Variants in AZGP1 observed in about 807,000 individuals in gnomAD.
AZGP1 encodes alpha-2-glycoprotein 1, zinc-binding, also known as zinc-alpha-2-glycoprotein.
AZGP1 carries 28 observed loss-of-function variants against 31.5 expected under a neutral mutation model. The observed-to-expected ratio is 0.89, with a 90% confidence interval of 0.66 to 1.22. The LOEUF is 1.22. AZGP1 is among the 50% of genes most tolerant of loss of function. The probability of loss-of-function intolerance (pLI) is 0.00; values close to 1 mark genes in which losing one functional copy is unlikely to be tolerated. For synonymous variants in AZGP1, 135 were observed against 145.4 expected (o/e 0.93, Z 0.51); for missense variants, 361 against 371.8 (o/e 0.97, Z 0.24).
intron 2 of AZGP1, among the ~76,000 whole-genome samples, chr7:99,969,071 C>T (rs757818845): frequency 2.1e-4 from 30 of 146,060 alleles, no homozygotes; most frequent in African/African-American, 4.8e-4. Context: ...GTCATGAGTT[C>T]GAGACCAGCC....
intron 2 of AZGP1, among the ~76,000 whole-genome samples, chr7:99,971,133 T>C (rs1048223624): frequency 6.6e-6 from 1 of 152,220 alleles, no homozygotes; most frequent in Non-Finnish European, 1.5e-5. Context: ...TCTCTGTTGA[T>C]TCCACAAATT....
chr7:99,971,811 T>G lies in AZGP1; in HGVS notation c.272A>C (p.Lys91Thr), dbSNP rs1421614499. 6.2e-7 allele frequency: 1 copy of G among 1,614,160 alleles called. No homozygotes were observed. Among genetic ancestry groups the G allele is most frequent in the Admixed American group, 1.7e-5 (1 of 60,020 alleles). The change falls in exon 2 of 4, where the codon AAG becomes ACG. Residue 91 changes from lysine to threonine, a missense_variant. Transcript: ENST00000292401. ...EDWKQDSQLQKAREDIFMETL... is the reference protein window; with the variant it reads ...EDWKQDSQLQTAREDIFMETL... ...CTCCATAAAGATGTCCTCCCTGGCC[T>G]TCTGAAGTTGGCTGTCCTGCTTCCA...
chr7:99,970,576 C>T (rs114045383), intron 2 of AZGP1, among the ~76,000 whole-genome samples: 3,362 of 151,766 alleles, frequency 0.022, 128 homozygotes, highest in African/African-American at 0.077. Context: ...TGTTCATCTC[C>T]TCATCCTCCT....
At chr7:99,968,083 T>C (rs775455194) in intron 3 of AZGP1, 72 bp downstream of exon 3, 22 of 1,571,570 alleles carry the variant, frequency 1.4e-5, no homozygotes, top group Non-Finnish European at 1.9e-5. Context: ...GACTAAGATG[T>C]TGCCTGAGCT....
chr7:99,971,858 T>C lies in AZGP1; in HGVS notation c.225A>G (p.Arg75=). The part of the protein sequence containing the change: ...DRKSQPMGLW[R]QVEGMEDWKQ... The stretch of plus-strand genomic sequence containing the variant: ...TCCAATCCTCCATTCCTTCCACCTG[T>C]CTCCAGAGTCCCATGGGCTGAGACT... Residue 75 remains arginine (R), a synonymous_variant, in exon 2 of 4, where the codon AGA becomes AGG. Coordinates refer to ENST00000292401, the MANE Select transcript of AZGP1 (RefSeq NM_001185.4). 6.2e-7 allele frequency: 1 copy of C among 1,614,138 alleles called. No individual in the cohort carries two copies. Among genetic ancestry groups the C allele is most frequent in the Non-Finnish European group, 8.5e-7 (1 of 1,180,024 alleles).
In AZGP1 at chr7:99,967,183, C is replaced by G; in HGVS notation, c.717G>C (p.Trp239Cys). The stretch of plus-strand genomic sequence containing the variant: ...GCTCCTGCACCTCGCCGGCCCGAGT[C>G]CAGTGCACATCAATTTTCCCTGGGT... ...DFYPGKIDVH[W>C]TRAGEVQEPE... is the part of the protein sequence containing the mutation. Residue 239 changes from tryptophan (W) to cysteine (C), a missense_variant, in exon 4 of 4, where the codon TGG becomes TGC. Trp to Cys is a radical substitution (Grantham distance 215). Transcript: ENST00000292401. The G allele has an allele frequency of 6.2e-7, 1 of 1,614,102 alleles. No homozygotes were observed. The highest frequency in any genetic ancestry group is 8.5e-7 in the Non-Finnish European group (1 of 1,180,004).
chr7:99,970,406 G>T (rs1027548718), intron 2 of AZGP1, among the ~76,000 whole-genome samples: 2 of 151,896 alleles, frequency 1.3e-5, no homozygotes, highest in African/African-American at 4.8e-5. Context: ...ACCATGCCAG[G>T]CTATTTTTGT....
intron 1 of AZGP1, among the ~76,000 whole-genome samples, chr7:99,974,875 T>C (rs933707649): frequency 6.6e-6 from 1 of 152,114 alleles, no homozygotes; most frequent in Non-Finnish European, 1.5e-5. Flanking sequence ...TCCAATCAGT[T>C]GAAGGCCTTA....
chr7:99,970,787 C>T (rs1420341390), intron 2 of AZGP1, among the ~76,000 whole-genome samples: 1 of 152,164 alleles, frequency 6.6e-6, no homozygotes, highest in Non-Finnish European at 1.5e-5. Context: ...TCTTCAGATC[C>T]CATGTAGCAC....
chr7:99,970,826 T>A (rs995415715), intron 2 of AZGP1, among the ~76,000 whole-genome samples: 16 of 152,180 alleles, frequency 1.1e-4, no homozygotes, highest in Admixed American at 5.2e-4. Flanking sequence ...TAGTAGCCCA[T>A]CTTTTGACAC....
rs778874788 is a variant in AZGP1 at position 99,971,697 on chromosome 7, C to A, written c.337+49G>T. On this transcript the variant is annotated intron_variant, in intron 2 of 3. Transcript: ENST00000292401. ...TCCCTTGCCACTCACACTGGGGGGG[C>A]TGCCTCTTGGGTTAGACCTTCCACC... The A allele has an allele frequency of 1.9e-6, 3 of 1,578,522 alleles. No individual in the cohort carries two copies. The Admixed American group carries it at 5.2e-5, about 27-fold the overall frequency.
chr7:99,971,875 G>C lies in AZGP1; in HGVS notation c.208C>G (p.Pro70Ala), dbSNP rs780500911. 6.2e-6 allele frequency: 10 copies of C among 1,614,056 alleles called. No individual in the cohort carries two copies. Among genetic ancestry groups the C allele is most frequent in the Admixed American group, 1.7e-5 (1 of 59,998 alleles). ...TCCACCTGTCTCCAGAGTCCCATGG[G>C]CTGAGACTTCCTGTCTTTACTGTTG... is the stretch of plus-strand genomic sequence containing the variant. ...RYNSKDRKSQ[P>A]MGLWRQVEGM... is the part of the protein sequence containing the mutation. Residue 70 changes from proline to alanine, a missense_variant, in exon 2 of 4, where the codon CCC becomes GCC. Physicochemically the swap from Pro to Ala is conservative, Grantham distance 27. Coordinates refer to ENST00000292401, the MANE Select transcript of AZGP1 (RefSeq NM_001185.4).
In AZGP1 at chr7:99,975,946, A is replaced by G; in HGVS notation, c.75T>C (p.Asp25=). 3.1e-6 allele frequency: 5 copies of G among 1,613,768 alleles called. No homozygotes were observed. The highest frequency in any genetic ancestry group is 4.2e-6 in the Non-Finnish European group (5 of 1,179,928). Residue 25 remains aspartate (D), a splice_region_variant and synonymous_variant, in exon 1 of 4, where the codon GAT becomes GAC. Transcript: ENST00000292401. ...CCATCCCTTGCTTTCCCCACTCACC[A>G]TCTTGGTTCTCCTGGGGGACAGCAG... ...LGPAVPQENQ[D]GRYSLTYIYT...
chr7:99,968,962 C>CAAAAAAAAAAAAAAAAAAAAA lies in AZGP1; in HGVS notation c.338-553_338-533dup. 7.5e-5 allele frequency among the ~76,000 whole-genome samples: 2 copies of CAAAAAAAAAAAAAAAAAAAAA among 26,700 alleles called. 1 individual carries two copies. Among genetic ancestry groups the CAAAAAAAAAAAAAAAAAAAAA allele is most frequent in the Non-Finnish European group, 1.2e-4 (2 of 16,388 alleles). 17.5% of individuals were successfully genotyped at this position (26,700 alleles called of 152,430 possible). A position where few individuals can be genotyped will look rare whatever the true frequency, so the allele number is the denominator to read the frequency against. ...TGGGTGACAGAGTGAGACCCTATCTCAAAAAAAAAAAAAAAAAAAAAAAAA... is the reference window on the plus strand; with the variant it reads ...TGGGTGACAGAGTGAGACCCTATCTCAAAAAAAAAAAAAAAAAAAAAAAAAAAAAAAAAAAAAAAAAAAAAA... On this transcript the variant is annotated intron_variant, in intron 2 of 3. Transcript: ENST00000292401.
intron 1 of AZGP1, among the ~76,000 whole-genome samples, chr7:99,972,978 A>C (rs1468927827): frequency 1.3e-5 from 2 of 152,054 alleles, no homozygotes. Flanking sequence ...TTAGCCAAGC[A>C]TGGTGGCGGG....
intron 2 of AZGP1, among the ~76,000 whole-genome samples, chr7:99,970,680 T>G (rs780202685): frequency 2.2e-4 from 34 of 152,094 alleles, no homozygotes; most frequent in African/African-American, 2.7e-4. Flanking sequence ...CCTCTCCTAT[T>G]GCTGACACAC....
At position 99,971,784 on chromosome 7, in the gene AZGP1, G is replaced by T; in HGVS notation, c.299C>A (p.Thr100Asn). ...GTAATACTCCACGATGTCTTTCAGG[G>T]TCTCCATAAAGATGTCCTCCCTGGC... is the stretch of plus-strand genomic sequence containing the variant. ...QKAREDIFME[T>N]LKDIVEYYND... is the part of the protein sequence containing the mutation. The change falls in exon 2 of 4, where the codon ACC becomes AAC. Residue 100 changes from threonine to asparagine, a missense_variant. Thr to Asn is a moderately conservative substitution (Grantham distance 65). Transcript: ENST00000292401. The T allele has an allele frequency of 6.2e-7, 1 of 1,613,980 alleles. No individual in the cohort carries two copies. The highest frequency in any genetic ancestry group is 1.3e-5 in the African/African-American group (1 of 74,968).
In AZGP1 at chr7:99,966,955, G is replaced by A. The variant is rs760268995; in HGVS notation, c.*48C>T. On this transcript the variant is annotated 3_prime_UTR_variant, in exon 4 of 4. Coordinates refer to ENST00000292401, the MANE Select transcript of AZGP1 (RefSeq NM_001185.4). ...GTTCAGCTCCCACATCAGGCAGGAA[G>A]GGCAGCTACTGGGTCTGAGATCCCA... 1 of 1,587,230 alleles carries A rather than the reference G, an allele frequency of 6.3e-7. No homozygotes were observed. The highest frequency in any genetic ancestry group is 1.1e-5 in the South Asian group (1 of 87,328).
chr7:99,967,912 T>A, intron 3 of AZGP1: 3 of 620,364 alleles, frequency 4.8e-6, no homozygotes, highest in Non-Finnish European at 8.5e-6. Context: ...TGGAGATGAT[T>A]TGGGGACACT....
Sources: allele counts gnomAD v4.1 joint callset (sites outside exome capture counted in the v4.1 genomes callset), GRCh38; gene constraint gnomAD v4.1.1; transcripts MANE v1.5; gene names NCBI Gene and HGNC (gene_info 2026-07-23, HGNC 2026-07-21).